The following KHDRBS2 variants were observed in gnomAD, a reference collection of about 807,000 sequenced individuals.
KHDRBS2 encodes the protein KH RNA binding domain containing, signal transduction associated 2, also known as KH domain-containing, RNA-binding, signal transduction-associated protein 2.
In KHDRBS2, 26 loss-of-function variants were observed where a neutral mutation model predicts 44.3. The ratio of observed to expected loss-of-function variants is 0.59; its 90% CI spans 0.43 to 0.81. The LOEUF (loss-of-function observed/expected upper bound fraction) is 0.81. KHDRBS2 is among the 40% of genes least tolerant of loss of function. The pLI, the probability that KHDRBS2 is intolerant of heterozygous loss-of-function variation, is 0.00. For missense variants in KHDRBS2, 476 were observed against 433.1 expected, an observed-to-expected ratio of 1.10 and a Z score of -0.88; for synonymous variants, 194 against 151.1, an observed-to-expected ratio of 1.28 and a Z score of -2.08.
chr6:61,800,510 A>G (rs1786086320), intron 6 of KHDRBS2, among the ~76,000 whole-genome samples: 1 of 152,144 alleles, frequency 6.6e-6, no homozygotes, highest in African/African-American at 2.4e-5. Flanking sequence ...ACTGGGACAT[A>G]GTTGTGTAGT....
intron 6 of KHDRBS2, among the ~76,000 whole-genome samples, chr6:61,864,873 G>T (rs141729170): frequency 6.6e-6 from 1 of 152,190 alleles, no homozygotes; most frequent in East Asian, 1.9e-4. Flanking sequence ...TTCTCCAATT[G>T]CTTCCATTCT....
At chr6:62,242,989 G>A (rs1834942675) in intron 1 of KHDRBS2, among the ~76,000 whole-genome samples, 1 of 152,092 alleles carries the variant, frequency 6.6e-6, no homozygotes, top group East Asian at 1.9e-4. Context: ...ATTTTTTGCA[G>A]AAACACTTTT....
intron 6 of KHDRBS2, among the ~76,000 whole-genome samples, chr6:61,860,369 C>T (rs1796743691): frequency 6.6e-6 from 1 of 151,760 alleles, no homozygotes; most frequent in South Asian, 2.1e-4. Context: ...TATTCCTCCT[C>T]CCACCCTCTG....
chr6:62,169,034 C>CATATATATATATATATATATATATATAT (rs369570219), intron 2 of KHDRBS2, among the ~76,000 whole-genome samples: 4 of 72,576 alleles, frequency 5.5e-5, no homozygotes, highest in Non-Finnish European at 8.0e-5. Context: ...GTTCTCCAGT[C>CATATATATATATATATATATATATATAT]ATATATATAT....
intron 7 of KHDRBS2, among the ~76,000 whole-genome samples, chr6:61,725,548 T>G (rs779110146): frequency 5.4e-4 from 82 of 151,858 alleles, no homozygotes; most frequent in Non-Finnish European, 6.6e-4. Flanking sequence ...AACTGTTATC[T>G]AGCCTAATAA....
intron 8 of KHDRBS2, among the ~76,000 whole-genome samples, chr6:61,689,158 C>T (rs151176312): frequency 1.3e-5 from 2 of 151,890 alleles, no homozygotes; most frequent in Non-Finnish European, 2.9e-5. Flanking sequence ...TACATAATGA[C>T]GTGCCAGGAG....
chr6:61,968,164 T>A (rs1770544929), intron 4 of KHDRBS2, among the ~76,000 whole-genome samples: 1 of 151,840 alleles, frequency 6.6e-6, no homozygotes, highest in Non-Finnish European at 1.5e-5. Context: ...ACCATGCCAG[T>A]CCCTCTTTTG....
At chr6:61,818,266 T>TAA (rs60399147) in intron 6 of KHDRBS2, among the ~76,000 whole-genome samples, 8,339 of 114,362 alleles carry the variant, frequency 0.073, 311 homozygotes, top group Middle Eastern at 0.12. Flanking sequence ...CCTCTGTAAG[T>TAA]AAAAAAAAAA....
chr6:61,925,725 C>CT (rs1808838402), intron 4 of KHDRBS2, among the ~76,000 whole-genome samples: 2 of 89,232 alleles, frequency 2.2e-5, no homozygotes, highest in African/African-American at 4.1e-5. Context: ...CTCTCTCTCT[C>CT]AAAAAAAAAA....
chr6:61,740,423 G>T (rs1775977645), intron 6 of KHDRBS2, among the ~76,000 whole-genome samples: 1 of 151,818 alleles, frequency 6.6e-6, no homozygotes, highest in African/African-American at 2.4e-5. Flanking sequence ...ATGGTAAAGG[G>T]TTTATCTATA....
At chr6:62,023,113 C>G (rs1782640199) in intron 3 of KHDRBS2, among the ~76,000 whole-genome samples, 1 of 151,650 alleles carries the variant, frequency 6.6e-6, no homozygotes. Context: ...TTAATCTCAT[C>G]AAAACCTAGG....
At chr6:62,210,898 C>T (rs1362254584) in intron 1 of KHDRBS2, among the ~76,000 whole-genome samples, 2 of 152,022 alleles carry the variant, frequency 1.3e-5, no homozygotes, top group African/African-American at 2.4e-5. Context: ...GTGAAGCTTT[C>T]TTAATAATAG....
the KHDRBS2 span, among the ~76,000 whole-genome samples, chr6:61,612,839 CTTTTTTTTTTTTTTTTTTTTTTT>C: frequency 2.6e-5 from 2 of 77,414 alleles, 1 homozygote; most frequent in Admixed American, 3.6e-4. Context: ...AAAATGCAGC[CTTTTTTTTTTTTTTTTTTTTTTT>C]TTTTTTTTGA....
intron 6 of KHDRBS2, among the ~76,000 whole-genome samples, chr6:61,845,038 A>AAGATAAAC (rs1241224322): frequency 1.3e-5 from 2 of 152,192 alleles, no homozygotes; most frequent in Non-Finnish European, 2.9e-5. Flanking sequence ...ACTACTTGAC[A>AAGATAAAC]AGATAAACTC....
At chr6:61,562,262 C>T in the KHDRBS2 span, among the ~76,000 whole-genome samples, 1 of 152,116 alleles carries the variant, frequency 6.6e-6, no homozygotes, top group African/African-American at 2.4e-5. Flanking sequence ...GCCTGAGAGG[C>T]AAAATCAGGG....
chr6:61,932,281 T>C (rs969907031), intron 4 of KHDRBS2, among the ~76,000 whole-genome samples: 4 of 152,226 alleles, frequency 2.6e-5, no homozygotes, highest in Non-Finnish European at 5.9e-5. Context: ...TTATAATTTT[T>C]GTAATGAAAG....
Position 61,964,525 on chromosome 6 carries a change from G to A in KHDRBS2, c.483+13541C>T, listed in dbSNP as rs146360067. Among the ~76,000 whole-genome samples, 413 of 151,918 alleles carry A rather than the reference G, an allele frequency of 2.7e-3. 2 individuals carry two copies. The highest frequency in any genetic ancestry group is 0.01 in the Middle Eastern group (3 of 294). On this transcript the variant is annotated intron_variant, in intron 4 of 8. Coordinates refer to ENST00000281156, the MANE Select transcript of KHDRBS2 (RefSeq NM_152688.4). ...ATGTCCACTAGTGTATTTACACATC[G>A]AATTTTTAATTTATGAAAGCAAATT...
intron 6 of KHDRBS2, among the ~76,000 whole-genome samples, chr6:61,739,775 A>G (rs1775888641): frequency 6.6e-6 from 1 of 151,936 alleles, no homozygotes; most frequent in African/African-American, 2.4e-5. Context: ...CTGAAAACAG[A>G]CTTGGGAAGA....
At chr6:61,603,201 T>C in the KHDRBS2 span, among the ~76,000 whole-genome samples, 1 of 152,136 alleles carries the variant, frequency 6.6e-6, no homozygotes, top group African/African-American at 2.4e-5. Context: ...ATTTTACCTG[T>C]CCTAAAACCA....
Sources: gnomAD v4.1 joint callset for allele counts (sites outside exome capture counted in the v4.1 genomes callset) on GRCh38, gnomAD v4.1.1 for gene constraint, MANE v1.5 for transcripts, NCBI Gene and HGNC (gene_info 2026-07-23, HGNC 2026-07-21) for gene names.